Variants in GATM observed in about 807,000 individuals in gnomAD.
The protein encoded by GATM is glycine amidinotransferase.
In GATM, 23 loss-of-function variants were observed where a neutral mutation model predicts 54.2. The ratio of observed to expected loss-of-function variants is 0.42; its 90% CI spans 0.31 to 0.60. The LOEUF is 0.60. Ranked by LOEUF, GATM falls within the 20% of genes least tolerant of loss-of-function variation. GATM has a pLI of 0.14. For missense variants in GATM, 401 were observed against 544.9 expected (o/e 0.74, Z 2.63); for synonymous variants, 168 against 183.1 (o/e 0.92, Z 0.67).
chr15:45,388,929 T>C (rs940231379), intron 3 of GATM, among the ~76,000 whole-genome samples: 1 of 152,228 alleles, frequency 6.6e-6, no homozygotes, highest in Non-Finnish European at 1.5e-5. Context: ...GGAATTCTTC[T>C]GCAAGGAAGA....
At chr15:45,378,600 C>G, upstream of GATM, 1 of 559,184 alleles carries the variant, frequency 1.8e-6, no homozygotes. Context: ...CCGGCCGCCC[C>G]CCGCGGCCCC....
In GATM at chr15:45,378,463, C is replaced by T; in HGVS notation, c.-10G>A. 1 of 1,439,914 alleles carries T rather than the reference C, an allele frequency of 6.9e-7. No individual in the cohort carries two copies. The highest frequency in any genetic ancestry group is 9.1e-7 in the Non-Finnish European group (1 of 1,103,048). 89.2% of individuals were successfully genotyped at this position (1,439,914 alleles called of 1,614,324 possible). On this transcript the variant is annotated 5_prime_UTR_variant, in exon 1 of 9. Transcript: ENST00000396659. ...ACCGCACCCGCAGCATCGCCCTGGC[C>T]CGGCTGGTCCACGCGCGGAATGTTC... is the stretch of plus-strand genomic sequence containing the variant.
intron 2 of GATM, among the ~76,000 whole-genome samples, chr15:45,397,898 G>C (rs534379419): frequency 2.5e-4 from 38 of 152,292 alleles, no homozygotes; most frequent in African/African-American, 8.9e-4. Context: ...GTATCTGTGG[G>C]AGAATTTGCT....
intron 3 of GATM, among the ~76,000 whole-genome samples, chr15:45,392,191 C>T (rs1233992442): frequency 6.6e-6 from 1 of 152,106 alleles, no homozygotes; most frequent in Non-Finnish European, 1.5e-5. Context: ...CTGAAATGGG[C>T]AGAAGGGGAA....
chr15:45,385,048 C>T (rs1045166973), intron 3 of GATM, among the ~76,000 whole-genome samples: 1 of 152,196 alleles, frequency 6.6e-6, no homozygotes, highest in Non-Finnish European at 1.5e-5. Flanking sequence ...GCTAGTCAGA[C>T]AGTGCGTATC....
intron 3 of GATM, among the ~76,000 whole-genome samples, chr15:45,385,138 G>A (rs1056253374): frequency 3.9e-5 from 6 of 152,184 alleles, no homozygotes; most frequent in Admixed American, 1.3e-4. Flanking sequence ...CTATCATTAT[G>A]TTACATGATA....
At position 45,368,162 on chromosome 15, in the gene GATM, C is replaced by A. The variant is rs1384096083; in HGVS notation, c.583G>T (p.Ala195Ser). The A allele has an allele frequency of 1.2e-6, 2 of 1,614,056 alleles. No individual in the cohort carries two copies. The highest frequency in any genetic ancestry group is 1.7e-6 in the Non-Finnish European group (2 of 1,179,994). The part of the protein sequence containing the change: ...AWRSRFFEYR[A>S]YRSIIKDYFH... ...TAGTCTTTGATAATTGACCTGTACG[C>A]TCGGTACTCAAAGAAGCGTGAACGC... The change falls in exon 4 of 9, where the codon GCG becomes TCG. Residue 195 changes from alanine to serine, a missense_variant. Physicochemically the swap from Ala to Ser is moderately conservative, Grantham distance 99. Around this residue, in one of 3 missense-constraint regions of GATM, gnomAD observed 321 missense variants for 457.5 expected, o/e 0.70. Coordinates refer to ENST00000396659, the MANE Select transcript of GATM (RefSeq NM_001482.3). The surrounding 1 kb of genome is among the most constrained non-coding windows in gnomAD (Gnocchi z 5.1).
intron 6 of GATM, among the ~76,000 whole-genome samples, chr15:45,365,759 G>A (rs755854147): frequency 6.6e-5 from 10 of 152,158 alleles, no homozygotes; most frequent in African/African-American, 2.2e-4. Flanking sequence ...TAACACCATC[G>A]TTTGATAAAA....
rs531260071 is a variant in GATM at position 45,364,553 on chromosome 15, A to T, written c.1042+244T>A. The T allele has an allele frequency of 1.5e-5, 7 of 457,932 alleles. No individual in the cohort carries two copies. In the Admixed American group the frequency reaches 2.4e-4, roughly 16 times the overall value. 28.4% of individuals were successfully genotyped at this position (457,932 alleles called of 1,614,324 possible). ...CTGTCTCAAAAAAAAAAAAAAAGTC[A>T]TATCTTGCTTTACGTGATGTTGTTT... On this transcript the variant is annotated intron_variant, in intron 7 of 8. Coordinates refer to ENST00000396659, the MANE Select transcript of GATM (RefSeq NM_001482.3).
intron 2 of GATM, among the ~76,000 whole-genome samples, chr15:45,375,703 G>A (rs1408179507): frequency 6.6e-6 from 1 of 152,116 alleles, no homozygotes; most frequent in Non-Finnish European, 1.5e-5. Context: ...GGGGAATCCT[G>A]GAAATGCAGA....
chr15:45,377,564 G>A, intron 1 of GATM: 1 of 300,050 alleles, frequency 3.3e-6, no homozygotes, highest in South Asian at 3.0e-5. Flanking sequence ...GAGCAGGGAG[G>A]GTCCCTCAAC....
In GATM at chr15:45,376,827, G is replaced by T; in HGVS notation, c.70-8C>A. ...TGTCAAGGTTCGTCCAAGCTTCCAA[G>T]AACAAAGAAAAGATTATTGTATTGC... On this transcript the variant is annotated splice_region_variant and splice_polypyrimidine_tract_variant and intron_variant, in intron 1 of 8. Coordinates refer to ENST00000396659, the MANE Select transcript of GATM (RefSeq NM_001482.3). 6.2e-7 allele frequency: 1 copy of T among 1,610,636 alleles called. No homozygotes were observed. Among genetic ancestry groups the T allele is most frequent in the Non-Finnish European group, 8.5e-7 (1 of 1,178,080 alleles).
At chr15:45,388,144 A>G (rs1433512934) in intron 3 of GATM, among the ~76,000 whole-genome samples, 1 of 152,170 alleles carries the variant, frequency 6.6e-6, no homozygotes, top group Non-Finnish European at 1.5e-5. Flanking sequence ...GAGGTACTAT[A>G]CCAGACTGAT....
Position 45,372,248 on chromosome 15 carries a change from T to C in GATM, c.289-2727A>G, listed in dbSNP as rs375992968. Among the ~76,000 whole-genome samples, 22 of 152,350 alleles carry C rather than the reference T, an allele frequency of 1.4e-4. No individual in the cohort carries two copies. In the East Asian group the frequency reaches 3.9e-3, roughly 27 times the overall value. Reference sequence around the variant, plus strand: ...GTTGAGTAGTTGCAACAGAGACCGATGGTCTGCAAAGCCTAAATTACTTAT... The same window carrying C: ...GTTGAGTAGTTGCAACAGAGACCGACGGTCTGCAAAGCCTAAATTACTTAT... On this transcript the variant is annotated intron_variant, in intron 2 of 8. Transcript: ENST00000396659.
At chr15:45,382,731 T>G (rs1018492228), upstream of GATM, among the ~76,000 whole-genome samples, 3 of 152,126 alleles carry the variant, frequency 2.0e-5, no homozygotes. Flanking sequence ...AGGTGGAGGT[T>G]GCCCTGAGCC....
At position 45,368,165 on chromosome 15, in the gene GATM, G is replaced by A. The variant is rs1217229880; in HGVS notation, c.580C>T (p.Arg194Ter). ...TCTTTGATAATTGACCTGTACGCTC[G>A]GTACTCAAAGAAGCGTGAACGCCAT... ...MAWRSRFFEY[R>*]AYRSIIKDYF... Residue 194 changes from arginine to a stop codon, truncating the protein, a stop_gained, in exon 4 of 9, where the codon CGA becomes TGA. Coordinates refer to ENST00000396659, the MANE Select transcript of GATM (RefSeq NM_001482.3). LOFTEE classifies it high-confidence loss of function. The surrounding 1 kb of genome is among the most constrained non-coding windows in gnomAD (Gnocchi z 5.1). 5 of 1,613,948 alleles carry A rather than the reference G, an allele frequency of 3.1e-6. No individual in the cohort carries two copies. The highest frequency in any genetic ancestry group is 2.2e-5 in the East Asian group (1 of 44,872).
At chr15:45,385,298 C>A (rs942226183) in intron 3 of GATM, among the ~76,000 whole-genome samples, 3 of 152,150 alleles carry the variant, frequency 2.0e-5, no homozygotes, top group Non-Finnish European at 4.4e-5. Context: ...AGTACTTTTT[C>A]AAACATCTTC....
rs541448412 is a variant in GATM, at chr15:45,366,699, T to A, written c.676-191A>T. Among the ~76,000 whole-genome samples, 32 of 152,184 alleles carry A rather than the reference T, an allele frequency of 2.1e-4. No individual in the cohort carries two copies. In the South Asian group the frequency reaches 6.4e-3, roughly 31 times the overall value. On this transcript the variant is annotated intron_variant, in intron 4 of 8. Transcript: ENST00000396659. The stretch of plus-strand genomic sequence containing the variant: ...CCAAAACAACAATAAAACAAGAAAC[T>A]AGCATTATAGTAATTTCCTGATACA...
In GATM at chr15:45,368,892, ACTAT is replaced by A. The variant is rs1213926716; in HGVS notation, c.484+430_484+433del. On this transcript the variant is annotated intron_variant, in intron 3 of 8. Coordinates refer to ENST00000396659, the MANE Select transcript of GATM (RefSeq NM_001482.3). This position sits in a 1 kb window ranked among gnomAD's most constrained non-coding sequence, Gnocchi z 5.1. ...TATACAGAAACACAGCTCTTAAAGG[ACTAT>A]CGGTATCACAAGATAAAAATTGAGC... Among the ~76,000 whole-genome samples, 1 of 152,170 alleles carries A rather than the reference ACTAT, an allele frequency of 6.6e-6. No individual in the cohort carries two copies. Among genetic ancestry groups the A allele is most frequent in the African/African-American group, 2.4e-5 (1 of 41,442 alleles).
Sources: gnomAD v4.1 joint callset for allele counts (sites outside exome capture counted in the v4.1 genomes callset) on GRCh38, gnomAD v4.1.1 for gene constraint, gnomAD v4.1.1 regional missense constraint, Gnocchi (gnomAD v3.1) non-coding constraint, MANE v1.5 for transcripts, NCBI Gene and HGNC (gene_info 2026-07-23, HGNC 2026-07-21) for gene names.